The following MAST4 variants were observed in gnomAD, a reference collection of about 807,000 sequenced individuals.
The protein encoded by MAST4 is microtubule-associated serine/threonine-protein kinase 4.
A neutral mutation model predicts 162.7 loss-of-function variants in MAST4; 89 were observed. That is an observed-to-expected ratio of 0.55 (90% confidence interval 0.46 to 0.65). MAST4 has a LOEUF of 0.65. Among genes scored for constraint, MAST4 ranks in the 30% least tolerant of loss-of-function variants. The pLI, the probability that MAST4 is intolerant of heterozygous loss-of-function variation, is 0.00. For synonymous variants in MAST4, 1,479 were observed against 1,361.1 expected (o/e 1.09, Z -1.91); for missense variants, 3,153 against 3,374.0 (o/e 0.93, Z 1.62).
chr5:67,018,664 A>G (rs958849851), intron 4 of MAST4, among the ~76,000 whole-genome samples: 20 of 152,228 alleles, frequency 1.3e-4, no homozygotes, highest in Non-Finnish European at 2.1e-4. Flanking sequence ...CTTGGAAGAC[A>G]TGTAATTTAA....
At chr5:66,728,436 A>G (rs1229827260) in intron 1 of MAST4, among the ~76,000 whole-genome samples, 2 of 152,214 alleles carry the variant, frequency 1.3e-5, no homozygotes. Flanking sequence ...AAAGCTGTTC[A>G]ACAGTGCTGG....
At chr5:66,907,795 TGA>T (rs1763483661) in intron 4 of MAST4, among the ~76,000 whole-genome samples, 1 of 152,102 alleles carries the variant, frequency 6.6e-6, no homozygotes. Context: ...ATTGCATTTG[TGA>T]GATTTTCAGC....
intron 1 of MAST4, among the ~76,000 whole-genome samples, chr5:66,706,877 A>C (rs1269077953): frequency 6.6e-6 from 1 of 152,244 alleles, no homozygotes; most frequent in Non-Finnish European, 1.5e-5. Context: ...GTTTAATAAT[A>C]ATAATTTCTT....
At position 67,104,470 on chromosome 5, in the gene MAST4, G is replaced by T; in HGVS notation, c.1251G>T (p.Gln417His). ...GAGTGCTTAGTTTCACTCACCACCA[G>T]ATTATTGAACTGGCTCGAGATTGCT... ...ADGVLSFTHH[Q>H]IIELARDCLD... Residue 417 changes from glutamine to histidine, a missense_variant, in exon 10 of 29, where the codon CAG becomes CAT. Gln to His is a conservative substitution (Grantham distance 24). Transcript: ENST00000403625. 1 of 1,613,894 alleles carries T rather than the reference G, an allele frequency of 6.2e-7. No individual in the cohort carries two copies. Among genetic ancestry groups the T allele is most frequent in the South Asian group, 1.1e-5 (1 of 91,072 alleles).
At chr5:66,770,479 C>G (rs1489247767) in intron 2 of MAST4, among the ~76,000 whole-genome samples, 2 of 152,172 alleles carry the variant, frequency 1.3e-5, no homozygotes, top group African/African-American at 4.8e-5. Context: ...CATTGCCCCT[C>G]TAACAGGCTC....
intron 3 of MAST4, among the ~76,000 whole-genome samples, chr5:66,797,194 CT>C (rs1755692567): frequency 1.3e-5 from 2 of 152,138 alleles, no homozygotes; most frequent in African/African-American, 4.8e-5. Flanking sequence ...CTATCTTATT[CT>C]CAAAAGAAAC....
At chr5:67,043,405 T>A (rs997630060) in intron 4 of MAST4, among the ~76,000 whole-genome samples, 1 of 152,180 alleles carries the variant, frequency 6.6e-6, no homozygotes, top group East Asian at 1.9e-4. Context: ...AGCAATGCAA[T>A]TGGGACATGA....
At position 67,163,339 on chromosome 5, in the gene MAST4, C is replaced by A. The variant is rs766017218; in HGVS notation, c.4160C>A (p.Pro1387Gln). ...SPLARTPSPT[P>Q]QPTSPQRSPS... ...CTGGCCCGGACGCCCTCTCCAACCCCGCAACCCACCTCCCCGCAGCGGTCA... is the reference window on the plus strand; with the variant it reads ...CTGGCCCGGACGCCCTCTCCAACCCAGCAACCCACCTCCCCGCAGCGGTCA... Residue 1387 changes from proline to glutamine, a missense_variant, in exon 29 of 29, where the codon CCG (proline) becomes CAG (glutamine). Pro to Gln is a moderately conservative substitution (Grantham distance 76). Coordinates refer to ENST00000403625, the MANE Select transcript of MAST4 (RefSeq NM_001164664.2). This position sits in a 1 kb window ranked among gnomAD's most constrained non-coding sequence, Gnocchi z 7.0. 2 of 1,612,802 alleles carry A rather than the reference C, an allele frequency of 1.2e-6. No individual in the cohort carries two copies. The highest frequency in any genetic ancestry group is 1.7e-6 in the Non-Finnish European group (2 of 1,179,846).
chr5:66,867,390 A>C (rs1580707969), intron 3 of MAST4, among the ~76,000 whole-genome samples: 1 of 152,232 alleles, frequency 6.6e-6, no homozygotes, highest in African/African-American at 2.4e-5. Flanking sequence ...ACATGATGCA[A>C]ATTAAGCTAA....
chr5:66,612,124 G>T (rs80215097), intron 1 of MAST4, among the ~76,000 whole-genome samples: 1 of 152,198 alleles, frequency 6.6e-6, no homozygotes, highest in Non-Finnish European at 1.5e-5. Context: ...ACAGGCTGGA[G>T]CTATATCTCT....
At chr5:67,018,574 A>G (rs941952777) in intron 4 of MAST4, among the ~76,000 whole-genome samples, 1 of 152,198 alleles carries the variant, frequency 6.6e-6, no homozygotes, top group Non-Finnish European at 1.5e-5. Flanking sequence ...CCAGATAAAC[A>G]GATTTGACTA....
At chr5:67,155,070 G>A (rs780115793) in intron 26 of MAST4, among the ~76,000 whole-genome samples, 5 of 152,234 alleles carry the variant, frequency 3.3e-5, no homozygotes, top group Admixed American at 6.5e-5. Flanking sequence ...TGACAGGGGT[G>A]TAGGTGTATG....
chr5:66,906,906 A>C (rs1299230364), intron 4 of MAST4, among the ~76,000 whole-genome samples: 1 of 152,106 alleles, frequency 6.6e-6, no homozygotes, highest in Non-Finnish European at 1.5e-5. Flanking sequence ...AGAGGGAGAA[A>C]ATATTGTCAA....
intron 1 of MAST4, among the ~76,000 whole-genome samples, chr5:66,723,260 G>A (rs888071303): frequency 1.3e-5 from 2 of 152,128 alleles, no homozygotes; most frequent in African/African-American, 4.8e-5. Flanking sequence ...CCATTTCTCA[G>A]TCCTAAAGGG....
chr5:67,055,279 G>A (rs1465943990), intron 5 of MAST4, among the ~76,000 whole-genome samples: 1 of 152,158 alleles, frequency 6.6e-6, no homozygotes, highest in Admixed American at 6.5e-5. Flanking sequence ...TGACTTTGAA[G>A]CCCTTTCAAG....
At chr5:67,032,612 T>A (rs535141405) in intron 4 of MAST4, among the ~76,000 whole-genome samples, 25 of 152,236 alleles carry the variant, frequency 1.6e-4, no homozygotes, top group South Asian at 1.2e-3. Context: ...AAAATAAGGG[T>A]TACTTCTTAC....
chr5:67,157,810 A>G (rs538040662), intron 26 of MAST4, among the ~76,000 whole-genome samples: 3 of 152,382 alleles, frequency 2.0e-5, no homozygotes, highest in African/African-American at 7.2e-5. Flanking sequence ...AAGGAAGGAT[A>G]ACAAACTCTT....
chr5:66,758,390 GAAAT>G (rs557847135), intron 1 of MAST4, among the ~76,000 whole-genome samples: 89 of 151,338 alleles, frequency 5.9e-4, no homozygotes, highest in Non-Finnish European at 1.1e-3. Context: ...TAAATAAATA[GAAAT>G]AAATATTTCT....
chr5:66,764,304 G>A (rs1011806562), intron 2 of MAST4, among the ~76,000 whole-genome samples: 1 of 152,204 alleles, frequency 6.6e-6, no homozygotes, highest in Non-Finnish European at 1.5e-5. Context: ...ACAGGAGCAT[G>A]AGAGGGCAAG....
Sources: gnomAD v4.1 joint callset for allele counts (sites outside exome capture counted in the v4.1 genomes callset) on GRCh38, gnomAD v4.1.1 for gene constraint, Gnocchi (gnomAD v3.1) non-coding constraint, MANE v1.5 for transcripts, NCBI Gene and HGNC (gene_info 2026-07-23, HGNC 2026-07-21) for gene names.